The following TTC27 variants were observed in gnomAD, a reference collection of about 807,000 sequenced individuals.
TTC27 encodes tetratricopeptide repeat domain 27.
A neutral mutation model predicts 115.9 loss-of-function variants in TTC27; 79 were observed. The observed-to-expected ratio is 0.68, with a 90% CI of 0.57 to 0.82. TTC27 has a LOEUF of 0.82. Ranked by LOEUF, TTC27 falls within the 40% of genes least tolerant of loss-of-function variation. The pLI, the probability that TTC27 is intolerant of heterozygous loss-of-function variation, is 0.00. For missense variants in TTC27, 1,054 were observed against 993.1 expected (o/e 1.06, Z -0.82); for synonymous variants, 401 against 356.0 (o/e 1.13, Z -1.42).
intron 5 of TTC27, among the ~76,000 whole-genome samples, chr2:32,657,564 C>G (rs958702354): frequency 1.3e-5 from 2 of 151,852 alleles, no homozygotes; most frequent in African/African-American, 4.8e-5. Flanking sequence ...GAAACACTTT[C>G]TTTTTCAGAC....
intron 7 of TTC27, among the ~76,000 whole-genome samples, chr2:32,667,282 C>G (rs1163104883): frequency 6.6e-6 from 1 of 151,778 alleles, no homozygotes; most frequent in Non-Finnish European, 1.5e-5. Context: ...TTTGACATGT[C>G]TAGTGAATTC....
At chr2:32,804,226 A>C (rs1671056469) in intron 16 of TTC27, among the ~76,000 whole-genome samples, 1 of 152,166 alleles carries the variant, frequency 6.6e-6, no homozygotes, top group African/African-American at 2.4e-5. Context: ...CAATTAAATG[A>C]CATTTTCATA....
At position 32,818,978 on chromosome 2, in the gene TTC27, G is replaced by A. The variant is rs937337423; in HGVS notation, c.2409+1421G>A. 2.6e-5 allele frequency among the ~76,000 whole-genome samples: 4 copies of A among 152,092 alleles called. No individual in the cohort carries two copies. In the South Asian group the frequency reaches 6.2e-4, roughly 24 times the overall value. On this transcript the variant is annotated intron_variant, in intron 19 of 19. Transcript: ENST00000317907. ...GCACAACTTCAAAATTGTGTCTCTC[G>A]GAAATCTATAAGAGCCCCCTCAAAG...
At chr2:32,773,167 C>G (rs547224662) in intron 13 of TTC27, among the ~76,000 whole-genome samples, 6 of 152,328 alleles carry the variant, frequency 3.9e-5, no homozygotes, top group Non-Finnish European at 7.4e-5. Flanking sequence ...TCTATTGGCT[C>G]CCTGAGACAG....
At chr2:32,643,125 A>T (rs1188588546) in intron 4 of TTC27, among the ~76,000 whole-genome samples, 1 of 152,102 alleles carries the variant, frequency 6.6e-6, no homozygotes, top group Non-Finnish European at 1.5e-5. Flanking sequence ...GTGCACCACC[A>T]TGCCTGGCTA....
intron 5 of TTC27, among the ~76,000 whole-genome samples, chr2:32,654,697 ATTT>A (rs1202304878): frequency 2.1e-5 from 3 of 140,270 alleles, no homozygotes; most frequent in Admixed American, 1.4e-4. Context: ...TACATGGCTA[ATTT>A]TTTTTTTTTT....
In TTC27 at chr2:32,820,888, T is replaced by G. The variant is rs1671679449; in HGVS notation, c.2482T>G (p.Leu828Val). The part of the protein sequence containing the change: ...LADDITAMDT[L>V]VTELQDLSNQ... ...TGATGACATAACAGCTATGGACACC[T>G]TAGTGACAGAGCTCCAAGACCTAAG... The change falls in exon 20 of 20, where the codon TTA becomes GTA. Residue 828 changes from leucine (L) to valine (V), a missense_variant. Coordinates refer to ENST00000317907, the MANE Select transcript of TTC27 (RefSeq NM_017735.5). 4.5e-6 allele frequency: 7 copies of G among 1,538,826 alleles called. No homozygotes were observed. The highest frequency in any genetic ancestry group is 6.1e-6 in the Non-Finnish European group (7 of 1,138,690).
chr2:32,673,386 G>A (rs953980870), intron 8 of TTC27, among the ~76,000 whole-genome samples: 32 of 151,974 alleles, frequency 2.1e-4, no homozygotes, highest in African/African-American at 7.2e-4. Context: ...CACCATGCCC[G>A]GCTAATTTTT....
intron 9 of TTC27, among the ~76,000 whole-genome samples, chr2:32,691,206 G>T (rs1051488865): frequency 6.6e-6 from 1 of 152,074 alleles, no homozygotes; most frequent in Non-Finnish European, 1.5e-5. Flanking sequence ...ACTTTTCTGG[G>T]GCATGAGGGA....
At position 32,769,649 on chromosome 2, in the gene TTC27, G is replaced by A. The variant is rs182007595; in HGVS notation, c.1681-8233G>A. On this transcript the variant is annotated intron_variant, in intron 13 of 19. Transcript: ENST00000317907. ...TCATTCTAGGGGAGAGTGGAATGAG[G>A]AGAAGAGATGAAGATATTAGCTTTG... Among the ~76,000 whole-genome samples the A allele has an allele frequency of 8.7e-3, 1,285 of 148,454 alleles. 5 individuals carry two copies. Among genetic ancestry groups the A allele is most frequent in the Admixed American group, 0.013 (197 of 15,014 alleles).
At chr2:32,638,107 T>C (rs1664497133) in intron 3 of TTC27, among the ~76,000 whole-genome samples, 1 of 152,244 alleles carries the variant, frequency 6.6e-6, no homozygotes, top group Non-Finnish European at 1.5e-5. Flanking sequence ...GGAATTGATT[T>C]GGGAATTGGA....
intron 14 of TTC27, 137 bp from the exon 15 acceptor site, chr2:32,782,489 C>G: frequency 1.8e-6 from 1 of 563,596 alleles, no homozygotes; most frequent in Admixed American, 3.5e-5. Context: ...TGCCATATAC[C>G]TTTAAACACA....
In TTC27 at chr2:32,773,973, A is replaced by G. The variant is rs535385144; in HGVS notation, c.1681-3909A>G. Among the ~76,000 whole-genome samples, 3 of 152,310 alleles carry G rather than the reference A, an allele frequency of 2.0e-5. No homozygotes were observed. The East Asian group carries it at 5.8e-4, about 29-fold the overall frequency. On this transcript the variant is annotated intron_variant, in intron 13 of 19. Transcript: ENST00000317907. ...TGGACACTTGAAATGTGACTAGTTG[A>G]AATTGATCCATGCTGTGTTGAATTC...
intron 9 of TTC27, among the ~76,000 whole-genome samples, chr2:32,695,128 A>G (rs1666940668): frequency 6.6e-6 from 1 of 152,202 alleles, no homozygotes; most frequent in Admixed American, 6.5e-5. Context: ...AACCATCAGT[A>G]TTATCAATAT....
intron 18 of TTC27, among the ~76,000 whole-genome samples, chr2:32,815,385 C>A (rs1043880341): frequency 2.6e-5 from 4 of 151,590 alleles, no homozygotes; most frequent in African/African-American, 9.7e-5. Context: ...CTACAGGCGC[C>A]CACCACCACG....
intron 10 of TTC27, among the ~76,000 whole-genome samples, chr2:32,704,436 C>T (rs1382826370): frequency 1.3e-5 from 2 of 152,156 alleles, no homozygotes; most frequent in Non-Finnish European, 2.9e-5. Flanking sequence ...GATCTGCCCG[C>T]CTCTGCCTCC....
intron 10 of TTC27, among the ~76,000 whole-genome samples, chr2:32,726,779 G>A (rs1191201989): frequency 6.6e-6 from 1 of 152,166 alleles, no homozygotes; most frequent in African/African-American, 2.4e-5. Flanking sequence ...TGCTGATAAA[G>A]ACATGCCCAA....
At chr2:32,796,759 A>G (rs1349343282) in intron 16 of TTC27, among the ~76,000 whole-genome samples, 6 of 152,164 alleles carry the variant, frequency 3.9e-5, no homozygotes, top group Non-Finnish European at 8.8e-5. Flanking sequence ...TTACCACAAA[A>G]CTGTAGTAGT....
At chr2:32,744,996 C>G (rs1668768649) in intron 12 of TTC27, among the ~76,000 whole-genome samples, 1 of 124,278 alleles carries the variant, frequency 8.0e-6, no homozygotes, top group Non-Finnish European at 1.6e-5. Context: ...TGCAGTGGGC[C>G]AAGATCACGC....
Sources: gnomAD v4.1 joint callset for allele counts (sites outside exome capture counted in the v4.1 genomes callset) on GRCh38, gnomAD v4.1.1 for gene constraint, MANE v1.5 for transcripts, NCBI Gene and HGNC (gene_info 2026-07-23, HGNC 2026-07-21) for gene names.